The following ADAMTSL2 variants were observed in gnomAD, a reference collection of about 807,000 sequenced individuals.
ADAMTSL2 encodes the protein ADAMTS-like protein 2.
ADAMTSL2 carries 55 observed loss-of-function variants against 117.0 expected under a neutral mutation model. The observed-to-expected ratio is 0.47, with a 90% confidence interval of 0.38 to 0.59. ADAMTSL2 has a LOEUF of 0.59. Ranked by LOEUF, ADAMTSL2 falls within the 20% of genes least tolerant of loss-of-function variation. The pLI, the probability that ADAMTSL2 is intolerant of heterozygous loss-of-function variation, is 0.00. For synonymous variants in ADAMTSL2, 572 were observed against 566.4 expected (o/e 1.01, Z -0.14); for missense variants, 1,182 against 1,354.5 (o/e 0.87, Z 2.00).
At chr9:133,553,771 A>C (rs1830541678) in intron 9 of ADAMTSL2, among the ~76,000 whole-genome samples, 2 of 152,226 alleles carry the variant, frequency 1.3e-5, no homozygotes, top group Non-Finnish European at 2.9e-5. Flanking sequence ...AGAGAGGGGC[A>C]GCAGGGGTCT....
rs142820588 is a variant in ADAMTSL2, at chr9:133,539,785, C to T, written c.324C>T (p.Asp108=). 1.7e-4 allele frequency: 257 copies of T among 1,547,358 alleles called. No homozygotes were observed. The highest frequency in any genetic ancestry group is 3.4e-4 in the East Asian group (14 of 40,768). The part of the protein sequence containing the change: ...QLCRVQECPP[D]GRSFREEQCV... ...TCGCTTCCCAGGAGTGTCCGCCGGA[C>T]GGGAGGAGCTTCCGCGAGGAGCAGT... The change falls in exon 5 of 19, where the codon GAC becomes GAT. Residue 108 remains aspartate, a synonymous_variant. Coordinates refer to ENST00000651351, the MANE Select transcript of ADAMTSL2 (RefSeq NM_014694.4).
At position 133,566,985 on chromosome 9, in the gene ADAMTSL2, G is replaced by A; in HGVS notation, c.1797G>A (p.Val599=). ...GTGTCCGCTATGATGGCGTCGAGGT[G>A]GATGACAGCTACTGTGACGCCCTGA... ...AMCVRYDGVE[V]DDSYCDALTR... Residue 599 remains valine, a synonymous_variant, in exon 13 of 19, where the codon GTG becomes GTA. Coordinates refer to ENST00000651351, the MANE Select transcript of ADAMTSL2 (RefSeq NM_014694.4). The A allele has an allele frequency of 1.2e-6, 2 of 1,611,468 alleles. No individual in the cohort carries two copies. The highest frequency in any genetic ancestry group is 1.1e-5 in the South Asian group (1 of 90,428).
intron 7 of ADAMTSL2, among the ~76,000 whole-genome samples, chr9:133,541,982 A>AC (rs1830235583): frequency 6.6e-6 from 1 of 152,188 alleles, no homozygotes; most frequent in South Asian, 2.1e-4. Flanking sequence ...ACAGCTTCAG[A>AC]CCCACTTAGC....
chr9:133,546,028 G>T (rs908938896), intron 8 of ADAMTSL2, among the ~76,000 whole-genome samples: 1 of 152,046 alleles, frequency 6.6e-6, no homozygotes, highest in Non-Finnish European at 1.5e-5. Context: ...TTTGGAAGCC[G>T]AACTCCTCTT....
chr9:133,551,830 T>G (rs1416966830), intron 9 of ADAMTSL2, among the ~76,000 whole-genome samples: 82 of 148,726 alleles, frequency 5.5e-4, no homozygotes, highest in African/African-American at 1.9e-3. Context: ...TTTTTTTTTT[T>G]TTTTTTTTGT....
At position 133,560,588 on chromosome 9, in the gene ADAMTSL2, G is replaced by A. The variant is rs367995698; in HGVS notation, c.1650-610G>A. ...AGAATCATAGCTGGTGGCTGGCTGG[G>A]ACCCAGCGTGCCTCCCCCGACCCCA... On this transcript the variant is annotated intron_variant, in intron 11 of 18. Coordinates refer to ENST00000651351, the MANE Select transcript of ADAMTSL2 (RefSeq NM_014694.4). 9.6e-3 allele frequency among the ~76,000 whole-genome samples: 1,466 copies of A among 152,368 alleles called. 27 individuals carry two copies. Among genetic ancestry groups the A allele is most frequent in the African/African-American group, 0.033 (1,388 of 41,590 alleles).
intron 11 of ADAMTSL2, among the ~76,000 whole-genome samples, chr9:133,560,385 C>T (rs1173612459): frequency 6.6e-6 from 1 of 152,234 alleles, no homozygotes; most frequent in South Asian, 2.1e-4. Context: ...TCCATGGTGG[C>T]GTCCCAGAGC....
rs1364114790 is a variant in ADAMTSL2, at chr9:133,554,154, C to A, written c.940-203C>A. On this transcript the variant is annotated intron_variant, in intron 9 of 18. Coordinates refer to ENST00000651351, the MANE Select transcript of ADAMTSL2 (RefSeq NM_014694.4). This position sits in a 1 kb window ranked among gnomAD's most constrained non-coding sequence, Gnocchi z 5.2. ...CCCCCCACCACACATCCCCAGCCCC[C>A]GCCCTGTTCCCAGGCTCTTTGACTT... Among the ~76,000 whole-genome samples the A allele has an allele frequency of 6.6e-6, 1 of 152,232 alleles. No individual in the cohort carries two copies. The highest frequency in any genetic ancestry group is 1.5e-5 in the Non-Finnish European group (1 of 68,030).
chr9:133,534,785 G>A lies in ADAMTSL2; in HGVS notation c.-283G>A, dbSNP rs1227833127. On this transcript the variant is annotated 5_prime_UTR_variant, in exon 1 of 19. Coordinates refer to ENST00000651351, the MANE Select transcript of ADAMTSL2 (RefSeq NM_014694.4). ...AGGGAGGCGGCGCGGGGGAGGAGGG[G>A]AAGGGGAGAGGGAGGCCGGGCCGCA... 1 of 1,477,750 alleles carries A rather than the reference G, an allele frequency of 6.8e-7. No homozygotes were observed. The highest frequency in any genetic ancestry group is 2.3e-5 in the Admixed American group (1 of 43,072). The allele number at this position is 1,477,750 out of a possible 1,614,324, so 91.5% of individuals were successfully genotyped here. A position where few individuals can be genotyped will look rare whatever the true frequency, so the allele number is the denominator to read the frequency against.
chr9:133,554,633 G>T lies in ADAMTSL2; in HGVS notation c.1216G>T (p.Val406Leu). The T allele has an allele frequency of 6.5e-7, 1 of 1,541,624 alleles. No homozygotes were observed. The part of the protein sequence containing the change: ...GPSQGQETNE[V>L]CEQAGGGACE... Reference sequence around the variant, plus strand: ...CAGCCAGGGCCAGGAGACCAACGAGGTGTGCGAGCAGGCCGGCGGCGGGGC... The same window carrying T: ...CAGCCAGGGCCAGGAGACCAACGAGTTGTGCGAGCAGGCCGGCGGCGGGGC... Residue 406 changes from valine (V) to leucine (L), a missense_variant, in exon 10 of 19, where the codon GTG (valine) becomes TTG (leucine). Coordinates refer to ENST00000651351, the MANE Select transcript of ADAMTSL2 (RefSeq NM_014694.4). The surrounding 1 kb of genome is among the most constrained non-coding windows in gnomAD (Gnocchi z 5.2).
chr9:133,567,165 G>C (rs982341930), intron 13 of ADAMTSL2, 103 bp downstream of exon 13: 2 of 1,441,422 alleles, frequency 1.4e-6, no homozygotes, highest in African/African-American at 1.4e-5. Flanking sequence ...GAGGTTCTTC[G>C]TGTGCAGGGC....
chr9:133,538,309 C>A lies in ADAMTSL2; in HGVS notation c.234-40C>A, dbSNP rs1012251890. 2.5e-6 allele frequency: 4 copies of A among 1,611,594 alleles called. No individual in the cohort carries two copies. In the African/African-American group the frequency reaches 5.3e-5, roughly 22 times the overall value. ...CAGCCCAGGCGACATTCCTGAAACT[C>A]CTCTGCAGCCCTCACTCCGAGCCTG... On this transcript the variant is annotated intron_variant, in intron 3 of 18. Transcript: ENST00000651351.
chr9:133,569,607 C>T (rs1831057901), intron 16 of ADAMTSL2, 29 bp downstream of exon 16: 12 of 1,551,410 alleles, frequency 7.7e-6, no homozygotes, highest in Non-Finnish European at 1.0e-5. Context: ...GCGGAAGGGC[C>T]TCCTGGTATC....
At chr9:133,551,677 C>T (rs1036159384) in intron 9 of ADAMTSL2, among the ~76,000 whole-genome samples, 1 of 152,150 alleles carries the variant, frequency 6.6e-6, no homozygotes, top group East Asian at 1.9e-4. Flanking sequence ...TTCCATCTGA[C>T]ATCTTTCCCT....
At chr9:133,569,053 T>C (rs2131181985) in intron 15 of ADAMTSL2, among the ~76,000 whole-genome samples, 1 of 151,988 alleles carries the variant, frequency 6.6e-6, no homozygotes, top group East Asian at 1.9e-4. Flanking sequence ...CCGTCTCTGT[T>C]TGTCTCCGAG....
intron 16 of ADAMTSL2, among the ~76,000 whole-genome samples, chr9:133,569,897 A>T (rs1831064655): frequency 6.6e-6 from 1 of 152,228 alleles, no homozygotes. Context: ...CTCCTGGCCC[A>T]GGGGCCTTTG....
At chr9:133,551,126 A>G (rs1323112899) in intron 9 of ADAMTSL2, among the ~76,000 whole-genome samples, 1 of 152,080 alleles carries the variant, frequency 6.6e-6, no homozygotes, top group Non-Finnish European at 1.5e-5. Context: ...CATCACATGC[A>G]CTGCCTGAAG....
At chr9:133,542,651 A>C (rs962261992) in intron 7 of ADAMTSL2, among the ~76,000 whole-genome samples, 1 of 152,212 alleles carries the variant, frequency 6.6e-6, no homozygotes, top group South Asian at 2.1e-4. Context: ...TGAAATATAC[A>C]GAAACAGTCA....
chr9:133,564,300 GGGAGAGAGAGAGAA>G, intron 12 of ADAMTSL2, among the ~76,000 whole-genome samples: 2 of 61,082 alleles, frequency 3.3e-5, no homozygotes, highest in African/African-American at 7.0e-5. Flanking sequence ...GGGAGAGAGA[GGGAGAGAGAGAGAA>G]AGAGAGAGGG....
Sources: gnomAD v4.1 joint callset for allele counts (sites outside exome capture counted in the v4.1 genomes callset) on GRCh38, gnomAD v4.1.1 for gene constraint, Gnocchi (gnomAD v3.1) non-coding constraint, MANE v1.5 for transcripts, NCBI Gene and HGNC (gene_info 2026-07-23, HGNC 2026-07-21) for gene names.